Variants in ACVR1 observed in about 807,000 individuals in gnomAD.
ACVR1 encodes activin A receptor type 1.
In ACVR1, 38 loss-of-function variants were observed where a neutral mutation model predicts 57.1. That is an observed-to-expected ratio of 0.67 (90% CI 0.51 to 0.87). The LOEUF is 0.87. ACVR1 is among the 40% of genes least tolerant of loss of function. The pLI is 0.00. For missense variants in ACVR1, 463 were observed against 638.2 expected (o/e 0.73, Z 2.96); for synonymous variants, 212 against 228.1 (o/e 0.93, Z 0.63).
At chr2:157,765,614 T>C (rs1342184163) in intron 8 of ACVR1, among the ~76,000 whole-genome samples, 2 of 152,238 alleles carry the variant, frequency 1.3e-5, no homozygotes, top group Non-Finnish European at 2.9e-5. Flanking sequence ...GATATACTAG[T>C]GTACATGCTG....
At chr2:157,749,508 TAAC>T (rs1235901071) in intron 9 of ACVR1, among the ~76,000 whole-genome samples, 1 of 152,134 alleles carries the variant, frequency 6.6e-6, no homozygotes, top group Non-Finnish European at 1.5e-5. Flanking sequence ...AATCCAAACT[TAAC>T]AAGTCAAAAT....
intron 1 of ACVR1, among the ~76,000 whole-genome samples, chr2:157,850,365 G>A (rs1359229103): frequency 1.3e-5 from 2 of 151,692 alleles, no homozygotes; most frequent in Non-Finnish European, 2.9e-5. Flanking sequence ...ACTCCAGCCT[G>A]GGCGACAGAA....
chr2:157,754,972 T>C (rs1574023000), intron 9 of ACVR1, among the ~76,000 whole-genome samples: 2 of 152,012 alleles, frequency 1.3e-5, no homozygotes, highest in Admixed American at 6.6e-5. Flanking sequence ...AGTCAATAAA[T>C]GTCATACACC....
At chr2:157,802,590 T>C (rs942728241) in intron 2 of ACVR1, among the ~76,000 whole-genome samples, 9 of 152,150 alleles carry the variant, frequency 5.9e-5, no homozygotes, top group African/African-American at 1.2e-4. Flanking sequence ...CTCCCTATGA[T>C]TGGGCCCTTC....
At chr2:157,774,045 A>G (rs776226056) in intron 6 of ACVR1, 43 bp downstream of exon 6, 1 of 1,544,604 alleles carries the variant, frequency 6.5e-7, no homozygotes, top group East Asian at 2.2e-5. Flanking sequence ...AAACAAAACT[A>G]ACATTGCATA....
chr2:157,804,562 G>A (rs2105312167), intron 2 of ACVR1, among the ~76,000 whole-genome samples: 1 of 152,184 alleles, frequency 6.6e-6, no homozygotes, highest in South Asian at 2.1e-4. Context: ...TTATCTGAAG[G>A]GTTCAGAGTA....
rs1688093370 is a variant in ACVR1 at position 157,819,728 on chromosome 2, C to CG, written c.-182-1170dup. Among the ~76,000 whole-genome samples the CG allele has an allele frequency of 2.8e-5, 4 of 144,988 alleles. No homozygotes were observed. In the South Asian group the frequency reaches 8.4e-4, roughly 30 times the overall value. On this transcript the variant is annotated intron_variant, in intron 1 of 10. Coordinates refer to ENST00000434821, the MANE Select transcript of ACVR1 (RefSeq NM_001111067.4). Reference sequence around the variant, plus strand: ...ACAATGGTGGGGAAGGAGTACAAAGCGGAAGGGAAGAGGAGGGGAGGCTCT... The same window carrying CG: ...ACAATGGTGGGGAAGGAGTACAAAGCGGGAAGGGAAGAGGAGGGGAGGCTCT...
intron 2 of ACVR1, among the ~76,000 whole-genome samples, chr2:157,810,376 G>A (rs1409585794): frequency 6.6e-6 from 1 of 152,178 alleles, no homozygotes; most frequent in African/African-American, 2.4e-5. Flanking sequence ...GTGGCAGGGA[G>A]GGGTCCCTGT....
intron 5 of ACVR1, 70 bp downstream of exon 5, chr2:157,778,061 T>G: frequency 1.3e-6 from 2 of 1,530,706 alleles, no homozygotes; most frequent in South Asian, 2.3e-5. Flanking sequence ...TAGCGTTTCA[T>G]GCTCGAAATA....
At chr2:157,866,741 T>A (rs181574634) in intron 1 of ACVR1, among the ~76,000 whole-genome samples, 1 of 152,242 alleles carries the variant, frequency 6.6e-6, no homozygotes, top group Non-Finnish European at 1.5e-5. Context: ...CAGTTTCCCA[T>A]GTTCAAAAGT....
intron 1 of ACVR1, chr2:157,860,250 A>T (rs1689676160): frequency 6.6e-6 from 1 of 152,248 alleles, no homozygotes; most frequent in Admixed American, 6.5e-5. Flanking sequence ...ACTCCACCCC[A>T]ATTTGCCCAC....
At chr2:157,860,484 T>C (rs1406888925) in intron 1 of ACVR1, among the ~76,000 whole-genome samples, 1 of 152,206 alleles carries the variant, frequency 6.6e-6, no homozygotes, top group Non-Finnish European at 1.5e-5. Flanking sequence ...ACCCTAGGGA[T>C]ATTCCAGGAT....
intron 1 of ACVR1, among the ~76,000 whole-genome samples, chr2:157,874,667 G>A (rs1344071534): frequency 6.6e-6 from 1 of 152,154 alleles, no homozygotes; most frequent in African/African-American, 2.4e-5. Context: ...GCCTTCCCTT[G>A]GGCTGTCAGA....
intron 2 of ACVR1, among the ~76,000 whole-genome samples, chr2:157,818,080 T>C (rs553973877): frequency 1.8e-4 from 27 of 152,148 alleles, no homozygotes; most frequent in South Asian, 1.0e-3. Context: ...GGGCATTTTA[T>C]AGGCAGGGAA....
At chr2:157,810,793 C>G (rs1687725566) in intron 2 of ACVR1, among the ~76,000 whole-genome samples, 1 of 152,214 alleles carries the variant, frequency 6.6e-6, no homozygotes, top group East Asian at 1.9e-4. Context: ...TTTCACCGAA[C>G]ACTTTCTAGA....
At chr2:157,870,716 T>C (rs1690090738) in intron 1 of ACVR1, among the ~76,000 whole-genome samples, 1 of 152,124 alleles carries the variant, frequency 6.6e-6, no homozygotes, top group South Asian at 2.1e-4. Context: ...TTCTCAAAAA[T>C]GGAAGCATCA....
Position 157,761,048 on chromosome 2 carries a change from T to G in ACVR1, c.1096A>C (p.Asn366His). Residue 366 changes from asparagine (N) to histidine (H), a missense_variant, in exon 9 of 11, where the codon AAT (asparagine) becomes CAT (histidine). Asn to His is a moderately conservative substitution (Grantham distance 68). Coordinates refer to ENST00000434821, the MANE Select transcript of ACVR1 (RefSeq NM_001111067.4). Reference sequence around the variant, plus strand: ...GGATTGTTCCCCACATCAAGCTGATTGGTGCTCTGGGAATGCATGACTGCC... The same window carrying G: ...GGATTGTTCCCCACATCAAGCTGATGGGTGCTCTGGGAATGCATGACTGCC... ...GLAVMHSQST[N>H]QLDVGNNPRV... 1.2e-6 allele frequency: 2 copies of G among 1,614,072 alleles called. No individual in the cohort carries two copies. Among genetic ancestry groups the G allele is most frequent in the Non-Finnish European group, 1.7e-6 (2 of 1,179,994 alleles).
Position 157,823,877 on chromosome 2 carries a change from A to T in ACVR1, c.-182-5318T>A, listed in dbSNP as rs186972705. Among the ~76,000 whole-genome samples the T allele has an allele frequency of 3.4e-3, 524 of 152,280 alleles. 5 individuals carry two copies. Among genetic ancestry groups the T allele is most frequent in the South Asian group, 3.9e-3 (19 of 4,826 alleles). ...GGAGAAAACTTGAGGCAACAAAGGCAGTGAGTGGGCTACAGTAGCATAAAG... is the reference window on the plus strand; with the variant it reads ...GGAGAAAACTTGAGGCAACAAAGGCTGTGAGTGGGCTACAGTAGCATAAAG... On this transcript the variant is annotated intron_variant, in intron 1 of 10. Transcript: ENST00000434821.
chr2:157,839,971 T>A (rs1414579249), intron 1 of ACVR1, among the ~76,000 whole-genome samples: 1 of 152,316 alleles, frequency 6.6e-6, no homozygotes, highest in South Asian at 2.1e-4. Context: ...TTCTGCATGC[T>A]GAGGTGTGGT....
Sources: allele counts gnomAD v4.1 joint callset (sites outside exome capture counted in the v4.1 genomes callset), GRCh38; gene constraint gnomAD v4.1.1; transcripts MANE v1.5; gene names NCBI Gene and HGNC (gene_info 2026-07-23, HGNC 2026-07-21).